AMPH: variants seen among roughly 807,000 people sequenced by gnomAD.
AMPH encodes amphiphysin, also known as amphiphysin (Stiff-Mann syndrome with breast cancer 128kD autoantigen).
AMPH carries 49 observed loss-of-function variants against 99.1 expected under a neutral mutation model. The ratio of observed to expected loss-of-function variants is 0.49; its 90% confidence interval spans 0.39 to 0.63. The LOEUF (loss-of-function observed/expected upper bound fraction) is 0.63. Ranked by LOEUF, AMPH falls within the 20% of genes least tolerant of loss-of-function variation. The pLI is 0.00. For synonymous variants in AMPH, 314 were observed against 317.3 expected (o/e 0.99, Z 0.11); for missense variants, 759 against 863.4 (o/e 0.88, Z 1.52).
intron 2 of AMPH, among the ~76,000 whole-genome samples, chr7:38,506,760 T>C (rs1162647059): frequency 6.6e-6 from 1 of 152,178 alleles, no homozygotes; most frequent in Admixed American, 6.5e-5. Context: ...ACCATTATTT[T>C]ACAACCACTA....
intron 2 of AMPH, among the ~76,000 whole-genome samples, chr7:38,532,275 C>A (rs3800796): frequency 0.29 from 43,649 of 151,872 alleles, 7,583 homozygotes; most frequent in East Asian, 0.56. Flanking sequence ...TATAAACTTT[C>A]TTTTTCTAAT....
chr7:38,502,627 G>C (rs1789179372), intron 3 of AMPH, among the ~76,000 whole-genome samples: 2 of 152,198 alleles, frequency 1.3e-5, no homozygotes, highest in South Asian at 4.1e-4. Flanking sequence ...TTTTGCAAAC[G>C]GATGTAGTTC....
At chr7:38,463,992 A>G (rs1313268035) in intron 9 of AMPH, 6 of 1,179,000 alleles carry the variant, frequency 5.1e-6, no homozygotes. Context: ...GAACACAGAC[A>G]TGCCACATGA....
intron 5 of AMPH, among the ~76,000 whole-genome samples, chr7:38,482,757 A>G (rs565439508): frequency 1.5e-3 from 228 of 152,208 alleles, no homozygotes; most frequent in African/African-American, 4.9e-3. Flanking sequence ...AACAAGTTGT[A>G]AGCTGCTTTG....
intron 11 of AMPH, among the ~76,000 whole-genome samples, chr7:38,444,913 T>C (rs1490412919): frequency 6.6e-6 from 1 of 151,408 alleles, no homozygotes; most frequent in East Asian, 1.9e-4. Context: ...ATAATCAATA[T>C]AGCATGCTAC....
chr7:38,505,200 C>G (rs550946093), intron 2 of AMPH, among the ~76,000 whole-genome samples: 3 of 152,262 alleles, frequency 2.0e-5, no homozygotes, highest in East Asian at 3.9e-4. Context: ...AATAAACTGA[C>G]AAGAAATAAT....
At position 38,435,055 on chromosome 7, in the gene AMPH, C is replaced by G. The variant is rs74865462; in HGVS notation, c.1134+1217G>C. Among the ~76,000 whole-genome samples, 847 of 152,292 alleles carry G rather than the reference C, an allele frequency of 5.6e-3. 9 individuals carry two copies. Among genetic ancestry groups the G allele is most frequent in the African/African-American group, 0.019 (798 of 41,574 alleles). On this transcript the variant is annotated intron_variant, in intron 12 of 20. Transcript: ENST00000356264. ...TAAACAGTTTTTTTAAATTGCAGAA[C>G]TTCTCAGCCTTTAATATTCTAATGC...
chr7:38,387,885 C>T (rs1302008639), intron 20 of AMPH, among the ~76,000 whole-genome samples: 1 of 150,556 alleles, frequency 6.6e-6, no homozygotes, highest in Non-Finnish European at 1.5e-5. Context: ...ACTTTGCATA[C>T]AGAGAAGCAA....
At chr7:38,484,551 A>C (rs7808755) in intron 5 of AMPH, among the ~76,000 whole-genome samples, 22,678 of 151,992 alleles carry the variant, frequency 0.15, 3,128 homozygotes, top group African/African-American at 0.36. Flanking sequence ...ACCAAAGCTG[A>C]AGGAGGTCAT....
chr7:38,513,481 T>C (rs987652278), intron 2 of AMPH, among the ~76,000 whole-genome samples: 1 of 152,192 alleles, frequency 6.6e-6, no homozygotes, highest in African/African-American at 2.4e-5. Context: ...AGAATACTCA[T>C]GCACAAATGA....
chr7:38,513,088 A>G (rs1157701873), intron 2 of AMPH, among the ~76,000 whole-genome samples: 1 of 152,224 alleles, frequency 6.6e-6, no homozygotes, highest in East Asian at 1.9e-4. Context: ...TCCCTCCCAC[A>G]GAAGTCAATT....
intron 17 of AMPH, among the ~76,000 whole-genome samples, chr7:38,414,407 C>T (rs554829492): frequency 3.7e-4 from 56 of 152,176 alleles, no homozygotes; most frequent in African/African-American, 9.9e-4. Context: ...TTTAATTACA[C>T]GGCATTATTT....
At chr7:38,462,590 T>A (rs1186018710) in intron 10 of AMPH, among the ~76,000 whole-genome samples, 1 of 152,196 alleles carries the variant, frequency 6.6e-6, no homozygotes, top group Non-Finnish European at 1.5e-5. Context: ...CATATAAACA[T>A]AACCGCTTTT....
chr7:38,462,764 A>C (rs1437866618), intron 10 of AMPH, among the ~76,000 whole-genome samples: 2 of 152,158 alleles, frequency 1.3e-5, no homozygotes, highest in Non-Finnish European at 2.9e-5. Context: ...AGTCCCAAAA[A>C]ACTTGAATAT....
At chr7:38,395,307 G>T (rs531666495) in intron 17 of AMPH, among the ~76,000 whole-genome samples, 2 of 152,254 alleles carry the variant, frequency 1.3e-5, no homozygotes, top group Admixed American at 1.3e-4. Context: ...AATATGCATG[G>T]TAATGCTCCA....
chr7:38,542,647 C>T (rs2392582), intron 1 of AMPH, among the ~76,000 whole-genome samples: 105,073 of 152,018 alleles, frequency 0.69, 36,927 homozygotes, highest in Non-Finnish European at 0.77. Flanking sequence ...TCATGTCAGT[C>T]ATCCATTAGA....
At chr7:38,555,195 A>G (rs1327283175) in intron 1 of AMPH, among the ~76,000 whole-genome samples, 1 of 151,864 alleles carries the variant, frequency 6.6e-6, no homozygotes, top group East Asian at 1.9e-4. Context: ...ACTTGAGGCC[A>G]GGTATTCAAG....
intron 1 of AMPH, among the ~76,000 whole-genome samples, chr7:38,563,134 G>GATGAATGAATGAATGA (rs10665097): frequency 1.9e-4 from 29 of 150,554 alleles, no homozygotes; most frequent in East Asian, 9.8e-4. Flanking sequence ...AGCACTGAAT[G>GATGAATGAATGAATGA]ATGAATGAAT....
intron 1 of AMPH, among the ~76,000 whole-genome samples, chr7:38,610,321 G>A (rs1262905337): frequency 1.6e-4 from 4 of 25,714 alleles, no homozygotes; most frequent in South Asian, 7.8e-4. Context: ...GAAAAGAAAA[G>A]AAAAGAAAAG....
Sources: allele counts gnomAD v4.1 joint callset (sites outside exome capture counted in the v4.1 genomes callset), GRCh38; gene constraint gnomAD v4.1.1; transcripts MANE v1.5; gene names NCBI Gene and HGNC (gene_info 2026-07-23, HGNC 2026-07-21).